The following VPS29 variants were observed in gnomAD, a reference collection of about 807,000 sequenced individuals.
VPS29 encodes vacuolar protein sorting-associated protein 29.
VPS29 carries 2 observed loss-of-function variants against 20.0 expected under a neutral mutation model. The ratio of observed to expected loss-of-function variants is 0.10; its 90% CI spans 0.04 to 0.31. The LOEUF is 0.31. VPS29 is among the 10% of genes least tolerant of loss of function. The probability of loss-of-function intolerance (pLI) is 1.00; values close to 1 mark genes in which losing one functional copy is unlikely to be tolerated. For synonymous variants in VPS29, 81 were observed against 79.3 expected (o/e 1.02, Z -0.12); for missense variants, 120 against 215.3 (o/e 0.56, Z 2.77).
chr12:110,493,279 A>G, intron 2 of VPS29, 48 bp from the exon 3 acceptor site: 1 of 1,326,398 alleles, frequency 7.5e-7, no homozygotes, highest in Non-Finnish European at 9.9e-7. Flanking sequence ...AGAGATACTG[A>G]TGTTTAAAAA....
In VPS29 at chr12:110,492,308, G is replaced by A. The variant is rs551933385; in HGVS notation, c.432-186C>T. On this transcript the variant is annotated intron_variant, in intron 3 of 3. Coordinates refer to ENST00000549578, the MANE Select transcript of VPS29 (RefSeq NM_016226.5). Reference sequence around the variant, plus strand: ...CATGTGGCTGGGCACAGTGGCTTACGCCTGTAATCCCAGCACTTTGGGAGG... The same window carrying A: ...CATGTGGCTGGGCACAGTGGCTTACACCTGTAATCCCAGCACTTTGGGAGG... Among the ~76,000 whole-genome samples, 89 of 152,284 alleles carry A rather than the reference G, an allele frequency of 5.8e-4. 1 individual carries two copies. The highest frequency in any genetic ancestry group is 2.1e-3 in the African/African-American group (87 of 41,574).
intron 1 of VPS29, chr12:110,499,605 A>G (rs750337351): frequency 1.5e-6 from 2 of 1,332,770 alleles, no homozygotes; most frequent in Non-Finnish European, 1.1e-6. Flanking sequence ...AGGGTGAAAC[A>G]TGACCAATGT....
intron 1 of VPS29, among the ~76,000 whole-genome samples, chr12:110,501,133 G>T (rs1034605556): frequency 1.3e-5 from 2 of 152,124 alleles, no homozygotes; most frequent in African/African-American, 4.8e-5. Context: ...AGCCGAGATC[G>T]CGGCATTGCA....
At chr12:110,494,695 T>C (rs1196827891) in intron 2 of VPS29, among the ~76,000 whole-genome samples, 1 of 151,896 alleles carries the variant, frequency 6.6e-6, no homozygotes, top group African/African-American at 2.4e-5. Context: ...AAAATCCCAT[T>C]ATTAACTAAT....
At chr12:110,494,844 C>A (rs997173517) in intron 2 of VPS29, among the ~76,000 whole-genome samples, 2 of 152,074 alleles carry the variant, frequency 1.3e-5, no homozygotes, top group African/African-American at 4.8e-5. Context: ...CTCAGCCTCC[C>A]AAGTAGCTGG....
chr12:110,498,912 G>A, intron 1 of VPS29: 7 of 841,792 alleles, frequency 8.3e-6, no homozygotes, highest in Non-Finnish European at 1.0e-5. Flanking sequence ...TTGAGAAAAA[G>A]GTAAAAATAA....
At chr12:110,500,282 GA>G (rs778727955) in intron 1 of VPS29, among the ~76,000 whole-genome samples, 3 of 152,114 alleles carry the variant, frequency 2.0e-5, no homozygotes, top group Non-Finnish European at 4.4e-5. Context: ...TTTTAATCAT[GA>G]AAGAACTGGC....
In VPS29 at chr12:110,494,085, C is replaced by A. The variant is rs1040728068; in HGVS notation, c.196-854G>T. The stretch of plus-strand genomic sequence containing the variant: ...AAAGAGGTTGTTTGTCCTTTCATCT[C>A]CCCGTCTTTCACCTCCATGCCACCT... On this transcript the variant is annotated intron_variant, in intron 2 of 3. Coordinates refer to ENST00000549578, the MANE Select transcript of VPS29 (RefSeq NM_016226.5). Among the ~76,000 whole-genome samples the A allele has an allele frequency of 2.6e-5, 4 of 151,946 alleles. No homozygotes were observed. In the East Asian group the frequency reaches 7.7e-4, roughly 29 times the overall value.
chr12:110,493,797 T>C (rs2135571066), intron 2 of VPS29, among the ~76,000 whole-genome samples: 1 of 152,236 alleles, frequency 6.6e-6, no homozygotes, highest in East Asian at 1.9e-4. Context: ...ATGGGTTCTT[T>C]TGCGCATGCT....
chr12:110,501,745 G>A (rs770068699), intron 1 of VPS29: 4 of 1,118,104 alleles, frequency 3.6e-6, no homozygotes, highest in South Asian at 1.3e-5. Flanking sequence ...AGGACCAAAG[G>A]CCTTCCCTGG....
intron 2 of VPS29, among the ~76,000 whole-genome samples, 181 bp downstream of exon 2, chr12:110,495,831 A>G (rs551221781): frequency 2.2e-4 from 33 of 152,286 alleles, no homozygotes; most frequent in Non-Finnish European, 4.0e-4. Flanking sequence ...TAGGTGATCT[A>G]AATCAGTGAT....
At chr12:110,500,849 A>G (rs1271474453) in intron 1 of VPS29, among the ~76,000 whole-genome samples, 1 of 151,646 alleles carries the variant, frequency 6.6e-6, no homozygotes, top group Non-Finnish European at 1.5e-5. Flanking sequence ...GGTTGCCCCA[A>G]ACAATTGACT....
chr12:110,494,243 A>G (rs377569348), intron 2 of VPS29, among the ~76,000 whole-genome samples: 89 of 151,032 alleles, frequency 5.9e-4, no homozygotes, highest in South Asian at 2.3e-3. Flanking sequence ...GAAATACTAT[A>G]TGTATAAATT....
At chr12:110,501,338 C>T (rs2063034555) in intron 1 of VPS29, 1 of 1,523,968 alleles carries the variant, frequency 6.6e-7, no homozygotes, top group South Asian at 1.2e-5. Flanking sequence ...AACACCGGCA[C>T]TCTCCCCAGA....
intron 1 of VPS29, among the ~76,000 whole-genome samples, chr12:110,497,593 A>C (rs1408603687): frequency 6.6e-6 from 1 of 152,014 alleles, no homozygotes; most frequent in African/African-American, 2.4e-5. Context: ...AGATCATTTA[A>C]AAATAGTATC....
rs372232505 is a variant in VPS29 at position 110,497,686 on chromosome 12, T to C, written c.4-1483A>G. Reference sequence around the variant, plus strand: ...TGGGCAGAATACTTGAGGTCAGGAGTTCGAGACCAGCCTGGCCAACATGGT... The same window carrying C: ...TGGGCAGAATACTTGAGGTCAGGAGCTCGAGACCAGCCTGGCCAACATGGT... On this transcript the variant is annotated intron_variant, in intron 1 of 3. Transcript: ENST00000549578. 5.3e-5 allele frequency among the ~76,000 whole-genome samples: 8 copies of C among 151,190 alleles called. No individual in the cohort carries two copies. In the South Asian group the frequency reaches 1.5e-3, roughly 28 times the overall value.
intron 2 of VPS29, among the ~76,000 whole-genome samples, chr12:110,494,548 C>T (rs949400990): frequency 6.6e-6 from 1 of 151,738 alleles, no homozygotes; most frequent in Non-Finnish European, 1.5e-5. Context: ...GCCACCGCAC[C>T]CGGCCTAAAA....
chr12:110,493,310 C>A (rs1236192209), intron 2 of VPS29, 79 bp from the exon 3 acceptor site: 3 of 1,055,500 alleles, frequency 2.8e-6, no homozygotes, highest in Non-Finnish European at 3.9e-6. Context: ...CTTAAATATT[C>A]AATCTCCTAT....
chr12:110,494,059 CAA>C (rs2062860067), intron 2 of VPS29, among the ~76,000 whole-genome samples: 1 of 151,936 alleles, frequency 6.6e-6, no homozygotes, highest in Admixed American at 6.6e-5. Context: ...ATGAAACAGG[CAA>C]AGAGGTTGTT....
Sources: gnomAD v4.1 joint callset for allele counts (sites outside exome capture counted in the v4.1 genomes callset) on GRCh38, gnomAD v4.1.1 for gene constraint, MANE v1.5 for transcripts, NCBI Gene and HGNC (gene_info 2026-07-23, HGNC 2026-07-21) for gene names.